ROBO2: variants seen among roughly 807,000 people sequenced by gnomAD.
The protein encoded by ROBO2 is roundabout guidance receptor 2.
A neutral mutation model predicts 160.8 loss-of-function variants in ROBO2; 53 were observed. The ratio of observed to expected loss-of-function variants is 0.33; its 90% CI spans 0.26 to 0.41. The LOEUF (loss-of-function observed/expected upper bound fraction) is 0.41, where lower values mean the gene tolerates loss of function less well. Among genes scored for constraint, ROBO2 ranks in the 10% least tolerant of loss-of-function variants. The probability of loss-of-function intolerance (pLI) is 1.00; values close to 1 mark genes in which losing one functional copy is unlikely to be tolerated. For synonymous variants in ROBO2, 664 were observed against 611.7 expected, an observed-to-expected ratio of 1.09 and a Z score of -1.26; for missense variants, 1,577 against 1,722.4, an observed-to-expected ratio of 0.92 and a Z score of 1.49.
intron 2 of ROBO2, among the ~76,000 whole-genome samples, chr3:77,344,448 C>T (rs377755712): frequency 4.0e-4 from 61 of 152,170 alleles, no homozygotes; most frequent in African/African-American, 1.4e-3. Flanking sequence ...GCAGAGCCCT[C>T]ATGAATGGGA....
intron 2 of ROBO2, among the ~76,000 whole-genome samples, chr3:76,997,908 C>G (rs1454189309): frequency 1.3e-5 from 2 of 152,076 alleles, no homozygotes; most frequent in Non-Finnish European, 2.9e-5. Context: ...TAGCTCAGCC[C>G]CATATGCTTT....
At chr3:77,441,910 G>A (rs1006402108) in intron 2 of ROBO2, among the ~76,000 whole-genome samples, 18 of 152,128 alleles carry the variant, frequency 1.2e-4, no homozygotes, top group African/African-American at 3.9e-4. Flanking sequence ...AGGAATGAAA[G>A]TTTTAAAACA....
intron 5 of ROBO2, among the ~76,000 whole-genome samples, chr3:77,519,853 C>A (rs985187968): frequency 6.6e-6 from 1 of 151,390 alleles, no homozygotes; most frequent in Non-Finnish European, 1.5e-5. Flanking sequence ...GAGAAATCTC[C>A]AAACTGCTTT....
intron 2 of ROBO2, among the ~76,000 whole-genome samples, chr3:77,284,177 TACA>T (rs2060428488): frequency 6.6e-6 from 1 of 152,186 alleles, no homozygotes; most frequent in Non-Finnish European, 1.5e-5. Flanking sequence ...GCTTTTGTGC[TACA>T]ACAATAGAGC....
At chr3:76,325,523 T>G (rs1207207945) in intron 2 of ROBO2, among the ~76,000 whole-genome samples, 1 of 152,120 alleles carries the variant, frequency 6.6e-6, no homozygotes, top group Non-Finnish European at 1.5e-5. Context: ...CTTGTAAACA[T>G]ACTTGTAAAA....
chr3:76,424,643 C>T (rs560422682), intron 2 of ROBO2, among the ~76,000 whole-genome samples: 2 of 152,068 alleles, frequency 1.3e-5, no homozygotes, highest in South Asian at 4.2e-4. Flanking sequence ...GAGGTTAGAT[C>T]GTATATTAAG....
chr3:76,048,567 G>A (rs2067529934), intron 2 of ROBO2, among the ~76,000 whole-genome samples: 1 of 152,102 alleles, frequency 6.6e-6, no homozygotes, highest in South Asian at 2.1e-4. Flanking sequence ...TGGGAATATT[G>A]CAGCCCTTAT....
intron 2 of ROBO2, among the ~76,000 whole-genome samples, chr3:76,695,821 G>C (rs1234064939): frequency 6.6e-6 from 1 of 152,150 alleles, no homozygotes; most frequent in Non-Finnish European, 1.5e-5. Flanking sequence ...TTTGAATCCA[G>C]GTAGTCTGGC....
Position 76,608,566 on chromosome 3 carries a change from C to T in ROBO2, c.110-489448C>T, listed in dbSNP as rs6810196. ...ATTGTTTCCTTTGCTGTGCAGAAGACCTTTAACTTTGTATGATCCCATTCA... is the reference window on the plus strand; with the variant it reads ...ATTGTTTCCTTTGCTGTGCAGAAGATCTTTAACTTTGTATGATCCCATTCA... On this transcript the variant is annotated intron_variant, in intron 2 of 26. Transcript: ENST00000487694. Among the ~76,000 whole-genome samples, 968 of 152,194 alleles carry T rather than the reference C, an allele frequency of 6.4e-3. 11 individuals carry two copies. Among genetic ancestry groups the T allele is most frequent in the South Asian group, 0.06 (287 of 4,812 alleles).
intron 2 of ROBO2, among the ~76,000 whole-genome samples, chr3:75,966,949 T>G (rs1949137417): frequency 6.6e-6 from 1 of 151,728 alleles, no homozygotes; most frequent in African/African-American, 2.4e-5. Flanking sequence ...CTACAGATAG[T>G]TTATCAACAC....
At chr3:77,464,023 C>G (rs1258645010) in intron 2 of ROBO2, among the ~76,000 whole-genome samples, 1 of 152,170 alleles carries the variant, frequency 6.6e-6, no homozygotes, top group Non-Finnish European at 1.5e-5. Flanking sequence ...AACAGTGATT[C>G]TTTTATGAAC....
intron 2 of ROBO2, among the ~76,000 whole-genome samples, chr3:76,802,912 G>A (rs2108875401): frequency 6.6e-6 from 1 of 152,274 alleles, no homozygotes; most frequent in South Asian, 2.1e-4. Flanking sequence ...TTGTGGCCAG[G>A]AGAGAAGCAG....
At chr3:77,078,134 C>G (rs2068211353) in intron 1 of ROBO2, among the ~76,000 whole-genome samples, 1 of 152,052 alleles carries the variant, frequency 6.6e-6, no homozygotes, top group African/African-American at 2.4e-5. Context: ...AATGCAGCAC[C>G]TTAAATAATT....
intron 6 of ROBO2, among the ~76,000 whole-genome samples, chr3:77,536,428 C>T (rs1057116513): frequency 2.6e-5 from 4 of 151,874 alleles, no homozygotes; most frequent in African/African-American, 9.7e-5. Flanking sequence ...TTTCTTCTCC[C>T]TCTCTCCCTC....
chr3:77,468,131 A>G (rs1459316853), intron 2 of ROBO2, among the ~76,000 whole-genome samples: 1 of 152,194 alleles, frequency 6.6e-6, no homozygotes, highest in African/African-American at 2.4e-5. Flanking sequence ...TTAAGGGAGA[A>G]AGAAAAGGAA....
intron 2 of ROBO2, among the ~76,000 whole-genome samples, chr3:76,083,083 A>G (rs989600585): frequency 1.3e-5 from 2 of 152,134 alleles, no homozygotes; most frequent in South Asian, 4.1e-4. Flanking sequence ...ATTCACTGAA[A>G]TGAAATGTAA....
At chr3:75,971,676 G>T (rs1559794383) in intron 2 of ROBO2, among the ~76,000 whole-genome samples, 1 of 151,202 alleles carries the variant, frequency 6.6e-6, no homozygotes, top group African/African-American at 2.4e-5. Flanking sequence ...CTATAACTTT[G>T]AAAAAATTTT....
intron 2 of ROBO2, among the ~76,000 whole-genome samples, chr3:76,184,466 C>A (rs1255774810): frequency 6.6e-6 from 1 of 152,000 alleles, no homozygotes; most frequent in Admixed American, 6.6e-5. Flanking sequence ...AAGTCTTGAT[C>A]TCTTCATGGG....
intron 2 of ROBO2, among the ~76,000 whole-genome samples, chr3:76,224,521 G>T (rs1384531493): frequency 6.6e-6 from 1 of 152,078 alleles, no homozygotes; most frequent in South Asian, 2.1e-4. Flanking sequence ...CATTGTTGAG[G>T]GCAGATACTT....
Sources: gnomAD v4.1 joint callset for allele counts (sites outside exome capture counted in the v4.1 genomes callset) on GRCh38, gnomAD v4.1.1 for gene constraint, MANE v1.5 for transcripts, NCBI Gene and HGNC (gene_info 2026-07-23, HGNC 2026-07-21) for gene names.